NR2C2: variants seen among roughly 807,000 people sequenced by gnomAD.
NR2C2 encodes the protein nuclear receptor subfamily 2 group C member 2, also known as Nuclear hormone receptor TR4.
Under a neutral mutation model 62.9 loss-of-function variants are expected in NR2C2, and 6 were observed. That is an observed-to-expected ratio of 0.10 (90% CI 0.05 to 0.19). The LOEUF (loss-of-function observed/expected upper bound fraction) is 0.19, where lower values mean the gene tolerates loss of function less well. NR2C2 is among the 10% of genes least tolerant of loss of function. NR2C2 has a pLI of 1.00. For missense variants in NR2C2, 479 were observed against 762.7 expected (o/e 0.63, Z 4.38); for synonymous variants, 272 against 273.8 (o/e 0.99, Z 0.07).
chr3:14,966,450 G>T lies in NR2C2; in HGVS notation c.-40+18544G>T, dbSNP rs142224550. ...ACAATCAAAAAATTTAGCTGGACGTGGTGGCGCCTTCCTGTGGTCTCAGCT... is the reference window on the plus strand; with the variant it reads ...ACAATCAAAAAATTTAGCTGGACGTTGTGGCGCCTTCCTGTGGTCTCAGCT... On this transcript the variant is annotated intron_variant, in intron 1 of 13. Coordinates refer to ENST00000425241, the MANE Select transcript of NR2C2 (RefSeq NM_001291694.2). 4.4e-3 allele frequency among the ~76,000 whole-genome samples: 672 copies of T among 152,300 alleles called. 2 individuals are homozygous for T. Among genetic ancestry groups the T allele is most frequent in the Non-Finnish European group, 6.8e-3 (461 of 68,034 alleles).
intron 2 of NR2C2, chr3:15,004,547 T>C (rs1159498879): frequency 1.2e-6 from 2 of 1,606,264 alleles, no homozygotes; most frequent in Non-Finnish European, 1.7e-6. Context: ...TGGGAAGTTG[T>C]CTTCCCTAGG....
intron 1 of NR2C2, among the ~76,000 whole-genome samples, chr3:14,956,541 T>A (rs918145467): frequency 6.6e-6 from 1 of 152,222 alleles, no homozygotes; most frequent in Non-Finnish European, 1.5e-5. Flanking sequence ...TTTGTTTTTT[T>A]ATTATTTATT....
intron 7 of NR2C2, among the ~76,000 whole-genome samples, chr3:15,025,377 C>G (rs1160071303): frequency 6.6e-6 from 1 of 152,160 alleles, no homozygotes; most frequent in Non-Finnish European, 1.5e-5. Context: ...TCTTGGTACA[C>G]AGTGAGCATT....
intron 2 of NR2C2, among the ~76,000 whole-genome samples, chr3:15,012,964 T>A (rs2041396304): frequency 6.6e-6 from 1 of 152,120 alleles, no homozygotes; most frequent in Admixed American, 6.5e-5. Context: ...CATCCTAGGA[T>A]CTTTTATTGT....
intron 1 of NR2C2, among the ~76,000 whole-genome samples, chr3:14,956,167 G>A (rs1245774128): frequency 6.6e-6 from 1 of 152,192 alleles, no homozygotes; most frequent in Non-Finnish European, 1.5e-5. Context: ...TATCTTTTCT[G>A]TTGATGAACA....
At chr3:15,037,943 A>C (rs565525821) in intron 11 of NR2C2, 57 bp from the exon 12 acceptor site, 1 of 1,536,224 alleles carries the variant, frequency 6.5e-7, no homozygotes, top group East Asian at 2.4e-5. Flanking sequence ...CCCCTCAAAT[A>C]AGCTGGTTTT....
chr3:15,045,271 G>C lies in NR2C2; in HGVS notation c.*2263G>C, dbSNP rs1381317000. 1 of 152,276 alleles carries C rather than the reference G, an allele frequency of 6.6e-6. No homozygotes were observed. The highest frequency in any genetic ancestry group is 1.5e-5 in the Non-Finnish European group (1 of 68,050). 9.4% of individuals were successfully genotyped at this position (152,276 alleles called of 1,614,324 possible). A position where few individuals can be genotyped will look rare whatever the true frequency, so the allele number is the denominator to read the frequency against. On this transcript the variant is annotated 3_prime_UTR_variant, in exon 14 of 14. Transcript: ENST00000425241. Reference sequence around the variant, plus strand: ...GGGAATACAAGCATAACAGCTTTCAGATCCCAGTTCTTGGTGTTGGTGAAA... The same window carrying C: ...GGGAATACAAGCATAACAGCTTTCACATCCCAGTTCTTGGTGTTGGTGAAA...
intron 1 of NR2C2, among the ~76,000 whole-genome samples, chr3:14,965,785 TCCTGA>T (rs1324065474): frequency 6.6e-6 from 1 of 152,160 alleles, no homozygotes; most frequent in African/African-American, 2.4e-5. Context: ...TGCCTCAGCC[TCCTGA>T]GTAGCTGGGA....
intron 11 of NR2C2, among the ~76,000 whole-genome samples, chr3:15,035,935 G>A (rs2125076756): frequency 6.6e-6 from 1 of 152,324 alleles, no homozygotes; most frequent in East Asian, 1.9e-4. Context: ...AGCTGAGGCG[G>A]GAGAACCACT....
chr3:14,978,589 C>A lies in NR2C2; in HGVS notation c.-39-25287C>A, dbSNP rs1182144237. Among the ~76,000 whole-genome samples, 5 of 152,250 alleles carry A rather than the reference C, an allele frequency of 3.3e-5. No homozygotes were observed. The East Asian group carries it at 9.7e-4, about 29-fold the overall frequency. Reference sequence around the variant, plus strand: ...TATTCAGTTTTTTCCAGCAAAAATTCTTCAGTTTCCTATCTGCAGGGTACC... The same window carrying A: ...TATTCAGTTTTTTCCAGCAAAAATTATTCAGTTTCCTATCTGCAGGGTACC... On this transcript the variant is annotated intron_variant, in intron 1 of 13. Transcript: ENST00000425241.
chr3:14,987,990 G>A (rs1047532109), intron 1 of NR2C2, among the ~76,000 whole-genome samples: 3 of 152,120 alleles, frequency 2.0e-5, no homozygotes, highest in African/African-American at 4.8e-5. Flanking sequence ...TTACTAACCC[G>A]TCTCCTAGTT....
chr3:15,042,783 G>T (rs1023402213), intron 13 of NR2C2, 51 bp from the exon 14 acceptor site: 19 of 1,564,084 alleles, frequency 1.2e-5, no homozygotes, highest in Non-Finnish European at 1.5e-5. Context: ...GCTGAGCTGT[G>T]GTTGAAGGGC....
intron 10 of NR2C2, among the ~76,000 whole-genome samples, chr3:15,033,997 A>T (rs2042044043): frequency 6.6e-6 from 1 of 152,246 alleles, no homozygotes; most frequent in Non-Finnish European, 1.5e-5. Flanking sequence ...CACTTAAGGC[A>T]ACTGGAAGAA....
At chr3:14,993,930 G>A (rs879121415) in intron 1 of NR2C2, among the ~76,000 whole-genome samples, 1 of 152,166 alleles carries the variant, frequency 6.6e-6, no homozygotes, top group African/African-American at 2.4e-5. Flanking sequence ...GCAAAGCCAA[G>A]GGACAGCAGT....
In NR2C2 at chr3:15,045,994, T is replaced by C. The variant is rs2042435682; in HGVS notation, c.*2986T>C. ...TAGATGTTGAAAATGGTGGAGATCA[T>C]TACACATTAGCATAAAACAGGACAG... On this transcript the variant is annotated 3_prime_UTR_variant, in exon 14 of 14. Transcript: ENST00000425241. 6.6e-6 allele frequency: 1 copy of C among 152,208 alleles called. No homozygotes were observed. The highest frequency in any genetic ancestry group is 1.5e-5 in the Non-Finnish European group (1 of 68,048). The allele number at this position is 152,208 out of a possible 1,614,324, so 9.4% of individuals were successfully genotyped here.
chr3:14,962,274 A>G (rs2039708538), intron 1 of NR2C2: 1 of 152,658 alleles, frequency 6.6e-6, no homozygotes, highest in Non-Finnish European at 1.5e-5. Context: ...AGATAGGTCT[A>G]GCTTGCTAGG....
At chr3:15,038,968 AGT>A (rs2042178687) in intron 12 of NR2C2, 152 bp from the exon 13 acceptor site, 19 of 626,368 alleles carry the variant, frequency 3.0e-5, no homozygotes, top group Non-Finnish European at 5.4e-5. Flanking sequence ...AGGAAAAGCC[AGT>A]GTTCTAATAA....
At chr3:15,039,373 T>C (rs1186882593) in intron 13 of NR2C2, 146 bp downstream of exon 13, 2 of 641,412 alleles carry the variant, frequency 3.1e-6, no homozygotes, top group Non-Finnish European at 5.6e-6. Flanking sequence ...TCTTGAGTTT[T>C]CTTTGTTTTT....
At chr3:14,958,859 C>T (rs1447608469) in intron 1 of NR2C2, among the ~76,000 whole-genome samples, 1 of 152,150 alleles carries the variant, frequency 6.6e-6, no homozygotes, top group African/African-American at 2.4e-5. Context: ...GCCTGTAATC[C>T]CAGCTACTGG....
Sources: allele counts gnomAD v4.1 joint callset (sites outside exome capture counted in the v4.1 genomes callset), GRCh38; gene constraint gnomAD v4.1.1; transcripts MANE v1.5; gene names NCBI Gene and HGNC (gene_info 2026-07-23, HGNC 2026-07-21).